The following MYH14 variants were observed in gnomAD, a reference collection of about 807,000 sequenced individuals.
MYH14 encodes myosin-14.
In MYH14, 123 loss-of-function variants were observed where a neutral mutation model predicts 255.5. The observed-to-expected ratio is 0.48, with a 90% CI of 0.42 to 0.56. MYH14 has a LOEUF of 0.56. Among genes scored for constraint, MYH14 ranks in the 20% least tolerant of loss-of-function variants. MYH14 has a pLI of 0.00. For missense variants in MYH14, 2,423 were observed against 2,802.3 expected, an observed-to-expected ratio of 0.86 and a Z score of 3.06; for synonymous variants, 1,095 against 1,161.2, an observed-to-expected ratio of 0.94 and a Z score of 1.16.
Position 50,309,058 on chromosome 19 carries a change from C to A in MYH14, c.5841C>A (p.Ala1947=). 1 of 1,613,726 alleles carries A rather than the reference C, an allele frequency of 6.2e-7. No homozygotes were observed. The highest frequency in any genetic ancestry group is 1.1e-5 in the South Asian group (1 of 91,078). The change falls in exon 42 of 43, where the codon GCC becomes GCA. Residue 1947 remains alanine, a synonymous_variant. Transcript: ENST00000642316. ...AGCTGAAGCGGCAGCTGGAGGAGGC[C>A]GAGGAGGAGGCATCCCGGGCTCAGG... ...VKQLKRQLEE[A]EEEASRAQAG...
At position 50,231,994 on chromosome 19, in the gene MYH14, C is replaced by A; in HGVS notation, c.1038C>A (p.Pro346=). Residue 346 remains proline (P), a synonymous_variant, in exon 10 of 43, where the codon CCC becomes CCA. Transcript: ENST00000642316. Reference sequence around the variant, plus strand: ...TGACCAACGGGCCGTCATCCTCTCCCGGCCAGGAGCGGGAACTCTTCCAGG... The same window carrying A: ...TGACCAACGGGCCGTCATCCTCTCCAGGCCAGGAGCGGGAACTCTTCCAGG... The part of the protein sequence containing the change: ...RFLTNGPSSS[P]GQERELFQET... The A allele has an allele frequency of 6.2e-7, 1 of 1,613,884 alleles. No individual in the cohort carries two copies. The highest frequency in any genetic ancestry group is 8.5e-7 in the Non-Finnish European group (1 of 1,179,900).
At chr19:50,205,505 G>A (rs982597063) in intron 1 of MYH14, 5 of 152,304 alleles carry the variant, frequency 3.3e-5, no homozygotes, top group Non-Finnish European at 5.9e-5. Flanking sequence ...GAAGAGAACG[G>A]GGATTCCCGC....
Position 50,250,658 on chromosome 19 carries a change from C to G in MYH14, c.1800C>G (p.Ala600=). 1.2e-6 allele frequency: 2 copies of G among 1,613,860 alleles called. No homozygotes were observed. Among genetic ancestry groups the G allele is most frequent in the Non-Finnish European group, 1.7e-6 (2 of 1,179,818 alleles). The change falls in exon 15 of 43, where the codon GCC becomes GCG. Residue 600 remains alanine (A), a synonymous_variant. Coordinates refer to ENST00000642316, the MANE Select transcript of MYH14 (RefSeq NM_001145809.2). This position sits in a 1 kb window ranked among gnomAD's most constrained non-coding sequence, Gnocchi z 5.4. ...FQRPRHLRDQ[A]DFSVLHYAGK... is the part of the protein sequence containing the mutation. ...GGCCGAGGCACCTGCGGGATCAGGCCGACTTCAGTGTTCTCCACTACGCGG... is the reference window on the plus strand; with the variant it reads ...GGCCGAGGCACCTGCGGGATCAGGCGGACTTCAGTGTTCTCCACTACGCGG...
chr19:50,233,816 G>GC (rs2033526697), intron 10 of MYH14, among the ~76,000 whole-genome samples: 1,075 of 15,704 alleles, frequency 0.068, 20 homozygotes, highest in South Asian at 0.25. Flanking sequence ...CCCTCCCCCC[G>GC]ACCCCCCCGC....
intron 13 of MYH14, 34 bp downstream of exon 13, chr19:50,249,173 T>C: frequency 6.5e-7 from 1 of 1,538,350 alleles, no homozygotes; most frequent in Non-Finnish European, 8.8e-7. Context: ...GATGCCAACT[T>C]CCTCACTCCG....
At chr19:50,289,380 T>C (rs1568543090) in intron 34 of MYH14, 56 bp from the exon 35 acceptor site, 11 of 1,437,584 alleles carry the variant, frequency 7.7e-6, no homozygotes, top group African/African-American at 1.4e-5. Context: ...CTAGCTAGGC[T>C]CCTAACCTCC....
intron 40 of MYH14, among the ~76,000 whole-genome samples, chr19:50,305,261 C>G (rs1047114369): frequency 1.3e-5 from 2 of 151,846 alleles, no homozygotes; most frequent in African/African-American, 4.8e-5. Context: ...GAGGCCTGAG[C>G]TGGGGCTGGG....
At chr19:50,264,556 C>A (rs1430368212) in intron 22 of MYH14, among the ~76,000 whole-genome samples, 1 of 151,838 alleles carries the variant, frequency 6.6e-6, no homozygotes, top group Non-Finnish European at 1.5e-5. Flanking sequence ...CTGAGTTAAC[C>A]CTTTACTGCA....
At chr19:50,268,713 T>G (rs2035186664) in intron 24 of MYH14, among the ~76,000 whole-genome samples, 2 of 152,070 alleles carry the variant, frequency 1.3e-5, no homozygotes, top group African/African-American at 4.8e-5. Context: ...CTAAGTGATG[T>G]CCTCAGCTTC....
intron 19 of MYH14, among the ~76,000 whole-genome samples, chr19:50,259,471 GCA>G (rs1446629519): frequency 6.6e-6 from 1 of 152,244 alleles, no homozygotes; most frequent in Non-Finnish European, 1.5e-5. Flanking sequence ...CTGAGAGAAA[GCA>G]CACAGAGTCT....
chr19:50,301,075 C>T (rs1334013164), intron 39 of MYH14, among the ~76,000 whole-genome samples: 1 of 152,140 alleles, frequency 6.6e-6, no homozygotes, highest in Non-Finnish European at 1.5e-5. Flanking sequence ...CAGAAGGCCT[C>T]GCTCAGAGTA....
chr19:50,225,517 G>A lies in MYH14; in HGVS notation c.718-68G>A, dbSNP rs529287007. 1.3e-5 allele frequency: 17 copies of A among 1,267,820 alleles called. No individual in the cohort carries two copies. The East Asian group carries it at 1.7e-4, about 13-fold the overall frequency. The allele number at this position is 1,267,820 out of a possible 1,614,324, so 78.5% of individuals were successfully genotyped here. A position where few individuals can be genotyped will look rare whatever the true frequency, so the allele number is the denominator to read the frequency against. On this transcript the variant is annotated intron_variant, in intron 6 of 42. Transcript: ENST00000642316. ...ACTCAGTCAGCTGGAGACACAGCCCGAGCTGGGCTGGCCTGGCCTCCTGCC... is the reference window on the plus strand; with the variant it reads ...ACTCAGTCAGCTGGAGACACAGCCCAAGCTGGGCTGGCCTGGCCTCCTGCC...
In MYH14 at chr19:50,293,394, G is replaced by C. The variant is rs1043725322; in HGVS notation, c.5345+73G>C. The C allele has an allele frequency of 3.0e-5, 45 of 1,523,782 alleles. No individual in the cohort carries two copies. Among genetic ancestry groups the C allele is most frequent in the Non-Finnish European group, 4.0e-5 (45 of 1,118,676 alleles). 94.4% of individuals were successfully genotyped at this position (1,523,782 alleles called of 1,614,324 possible). A position where few individuals can be genotyped will look rare whatever the true frequency, so the allele number is the denominator to read the frequency against. ...GTGAAGCTGGGGTAGGCTGGAGGTG[G>C]CTGGGCTCTGGGACAGGAAACTGGG... On this transcript the variant is annotated intron_variant, in intron 38 of 42. Coordinates refer to ENST00000642316, the MANE Select transcript of MYH14 (RefSeq NM_001145809.2). This position sits in a 1 kb window ranked among gnomAD's most constrained non-coding sequence, Gnocchi z 4.1.
chr19:50,217,483 C>T, intron 2 of MYH14, 132 bp from the exon 3 acceptor site: 2 of 1,025,264 alleles, frequency 2.0e-6, no homozygotes, highest in South Asian at 2.6e-5. Context: ...TTCAAATCTA[C>T]ATTGTTATGG....
intron 40 of MYH14, among the ~76,000 whole-genome samples, chr19:50,302,320 A>T (rs1403783949): frequency 7.2e-6 from 1 of 139,252 alleles, no homozygotes; most frequent in African/African-American, 2.7e-5. Flanking sequence ...AGTGGCTCAC[A>T]CCTGTAATCC....
In MYH14 at chr19:50,232,004, C is replaced by T. The variant is rs375565162; in HGVS notation, c.1048C>T (p.Arg350Trp). 1.8e-5 allele frequency: 29 copies of T among 1,613,832 alleles called. No homozygotes were observed. In the East Asian group the frequency reaches 2.5e-4, roughly 14 times the overall value. ...GCCGTCATCCTCTCCCGGCCAGGAG[C>T]GGGAACTCTTCCAGGAGACGCTGGA... is the stretch of plus-strand genomic sequence containing the variant. ...NGPSSSPGQE[R>W]ELFQETLESL... Residue 350 changes from arginine (R) to tryptophan (W), a missense_variant, in exon 10 of 43, where the codon CGG becomes TGG. Physicochemically the swap from Arg to Trp is moderately radical, Grantham distance 101 (BLOSUM62 -3). Coordinates refer to ENST00000642316, the MANE Select transcript of MYH14 (RefSeq NM_001145809.2).
chr19:50,295,883 C>T (rs868753439), intron 39 of MYH14, among the ~76,000 whole-genome samples: 9 of 151,960 alleles, frequency 5.9e-5, no homozygotes, highest in Non-Finnish European at 1.2e-4. Context: ...GAGGCTGAGG[C>T]GGGTAGATCA....
chr19:50,273,353 C>T (rs2035385330), intron 27 of MYH14, among the ~76,000 whole-genome samples: 1 of 150,198 alleles, frequency 6.7e-6, no homozygotes. Context: ...GGCCTCCCCA[C>T]ACCAAACAGC....
chr19:50,235,218 CATG>C (rs1339183358), intron 10 of MYH14, among the ~76,000 whole-genome samples: 10 of 151,820 alleles, frequency 6.6e-5, no homozygotes, highest in Non-Finnish European at 1.5e-4. Flanking sequence ...ATTAGCCAGA[CATG>C]GTGGTGGGCG....
Sources: gnomAD v4.1 joint callset for allele counts (sites outside exome capture counted in the v4.1 genomes callset) on GRCh38, gnomAD v4.1.1 for gene constraint, Gnocchi (gnomAD v3.1) non-coding constraint, MANE v1.5 for transcripts, NCBI Gene and HGNC (gene_info 2026-07-23, HGNC 2026-07-21) for gene names.